The following UBE3D variants were observed in gnomAD, a reference collection of about 807,000 sequenced individuals.
UBE3D encodes ubiquitin protein ligase E3D, also known as E3 ubiquitin-protein ligase E3D.
UBE3D carries 48 observed loss-of-function variants against 49.6 expected under a neutral mutation model. The ratio of observed to expected loss-of-function variants is 0.97; its 90% CI spans 0.77 to 1.23. The LOEUF (loss-of-function observed/expected upper bound fraction) is 1.23, where lower values mean the gene tolerates loss of function less well. UBE3D is among the 50% of genes most tolerant of loss of function. UBE3D has a pLI of 0.00. For synonymous variants in UBE3D, 189 were observed against 174.2 expected (o/e 1.08, Z -0.67); for missense variants, 452 against 468.4 (o/e 0.96, Z 0.32).
At chr6:82,883,941 A>G in the UBE3D span, among the ~76,000 whole-genome samples, 1 of 152,202 alleles carries the variant, frequency 6.6e-6, no homozygotes, top group East Asian at 1.9e-4. Context: ...GTGCAGGACC[A>G]AGAGAACTTC....
At chr6:82,901,302 A>G (rs1050605137) in intron 9 of UBE3D, among the ~76,000 whole-genome samples, 2 of 151,836 alleles carry the variant, frequency 1.3e-5, no homozygotes, top group South Asian at 2.1e-4. Context: ...TTATTTCACC[A>G]GAGAGGAGCA....
At chr6:82,989,021 C>T (rs1165885741) in intron 8 of UBE3D, among the ~76,000 whole-genome samples, 2 of 152,040 alleles carry the variant, frequency 1.3e-5, no homozygotes, top group African/African-American at 2.4e-5. Flanking sequence ...AGACTAGAAT[C>T]CAGCCCTCAA....
At chr6:82,937,362 A>C (rs1188886235) in intron 9 of UBE3D, among the ~76,000 whole-genome samples, 1 of 152,154 alleles carries the variant, frequency 6.6e-6, no homozygotes, top group Non-Finnish European at 1.5e-5. Context: ...AAAACACACA[A>C]AAAAAGCTCC....
chr6:82,970,027 T>A (rs1196511378), intron 8 of UBE3D, among the ~76,000 whole-genome samples: 1 of 149,834 alleles, frequency 6.7e-6, no homozygotes, highest in Non-Finnish European at 1.5e-5. Flanking sequence ...ATGTAACGTA[T>A]TTCTATGGTG....
chr6:82,928,813 G>A (rs1160736788), intron 9 of UBE3D, among the ~76,000 whole-genome samples: 3 of 152,144 alleles, frequency 2.0e-5, no homozygotes, highest in African/African-American at 4.8e-5. Flanking sequence ...GGTAAGTTAT[G>A]TTCTTCTAGG....
At chr6:82,886,047 G>A in the UBE3D span, among the ~76,000 whole-genome samples, 5 of 152,152 alleles carry the variant, frequency 3.3e-5, no homozygotes, top group Non-Finnish European at 5.9e-5. Flanking sequence ...TTTCTCTTGT[G>A]TGTTTTTTCT....
chr6:83,031,584 G>A (rs939169460), intron 5 of UBE3D, among the ~76,000 whole-genome samples: 6 of 152,016 alleles, frequency 3.9e-5, no homozygotes, highest in African/African-American at 1.2e-4. Flanking sequence ...GCTGGATTTC[G>A]GACTTCCATG....
chr6:82,925,564 T>C (rs1027743361), intron 9 of UBE3D, among the ~76,000 whole-genome samples: 1 of 152,094 alleles, frequency 6.6e-6, no homozygotes, highest in African/African-American at 2.4e-5. Flanking sequence ...AAGGGAAGTA[T>C]CTGTCTTTCT....
chr6:83,022,495 A>G lies in UBE3D; in HGVS notation c.804T>C (p.Phe268=), dbSNP rs1025849065. 6.2e-7 allele frequency: 1 copy of G among 1,606,430 alleles called. No homozygotes were observed. The highest frequency in any genetic ancestry group is 1.3e-5 in the African/African-American group (1 of 74,290). ...LVQLSSARST[F]RFTIQGQDDK... Reference sequence around the variant, plus strand: ...CATCCTGACCTTGAATCGTGAATCTAAAAGTGCTTCTAGCAGAGGAGAGCT... The same window carrying G: ...CATCCTGACCTTGAATCGTGAATCTGAAAGTGCTTCTAGCAGAGGAGAGCT... The change falls in exon 7 of 10, where the codon TTT becomes TTC. Residue 268 remains phenylalanine (F), a synonymous_variant. Transcript: ENST00000369747.
At chr6:82,895,032 G>A (rs1320068419) in intron 9 of UBE3D, among the ~76,000 whole-genome samples, 1 of 152,172 alleles carries the variant, frequency 6.6e-6, no homozygotes. Context: ...TAAGAGGCCG[G>A]CACAGTGGCT....
intron 9 of UBE3D, chr6:82,925,142 A>C (rs1463833353): frequency 1.3e-5 from 2 of 152,286 alleles, no homozygotes; most frequent in African/African-American, 4.8e-5. Context: ...ATATAGGTAC[A>C]AAAAAGTGAA....
At chr6:83,062,088 T>TGATA (rs1784209090) in intron 1 of UBE3D, among the ~76,000 whole-genome samples, 2 of 152,280 alleles carry the variant, frequency 1.3e-5, no homozygotes, top group South Asian at 4.1e-4. Flanking sequence ...ATTTATTTTG[T>TGATA]ATATTCTCTG....
chr6:82,916,095 T>C (rs1562079976), intron 9 of UBE3D, among the ~76,000 whole-genome samples: 1 of 152,208 alleles, frequency 6.6e-6, no homozygotes. Context: ...CATATATTCA[T>C]TGACTTTATC....
chr6:83,024,728 T>A (rs962511073), intron 5 of UBE3D, among the ~76,000 whole-genome samples: 2 of 152,158 alleles, frequency 1.3e-5, no homozygotes, highest in Non-Finnish European at 2.9e-5. Context: ...AGAACCAGTG[T>A]CCAGCAGTCC....
rs1488180331 is a variant in UBE3D at position 83,032,748 on chromosome 6, T to C, written c.667+5668A>G. 3.3e-5 allele frequency among the ~76,000 whole-genome samples: 5 copies of C among 152,112 alleles called. No individual in the cohort carries two copies. In the East Asian group the frequency reaches 7.7e-4, roughly 24 times the overall value. ...TGTCATAGAAGGGACCTGGTGGGAA[T>C]TAACTGAATCATGGGGGCGGGGTTT... On this transcript the variant is annotated intron_variant, in intron 5 of 9. Coordinates refer to ENST00000369747, the MANE Select transcript of UBE3D (RefSeq NM_198920.3).
intron 8 of UBE3D, among the ~76,000 whole-genome samples, chr6:82,997,063 C>T (rs1214592805): frequency 6.6e-6 from 1 of 152,146 alleles, no homozygotes; most frequent in Non-Finnish European, 1.5e-5. Context: ...ACAATCTGTA[C>T]TAACTTTGCA....
chr6:82,975,257 T>C (rs532070274), intron 8 of UBE3D, among the ~76,000 whole-genome samples: 67 of 152,262 alleles, frequency 4.4e-4, no homozygotes, highest in African/African-American at 1.5e-3. Flanking sequence ...ATGAGACCTC[T>C]AAAAATCAAT....
intron 9 of UBE3D, among the ~76,000 whole-genome samples, chr6:82,915,997 A>C (rs567163807): frequency 1.3e-5 from 2 of 152,326 alleles, no homozygotes; most frequent in South Asian, 4.1e-4. Context: ...TAGTCATTGA[A>C]GTAGATGTTT....
In UBE3D at chr6:83,054,250, C is replaced by T; in HGVS notation, c.275-12G>A. 1 of 1,598,124 alleles carries T rather than the reference C, an allele frequency of 6.3e-7. No individual in the cohort carries two copies. Among genetic ancestry groups the T allele is most frequent in the Non-Finnish European group, 8.6e-7 (1 of 1,165,792 alleles). On this transcript the variant is annotated splice_polypyrimidine_tract_variant and intron_variant, in intron 2 of 9. Coordinates refer to ENST00000369747, the MANE Select transcript of UBE3D (RefSeq NM_198920.3). The stretch of plus-strand genomic sequence containing the variant: ...CATTGAAATCAGTTCTAAAGGAAGT[C>T]AATGAAATAGCTAATCTTAGAGATT...
Sources: allele counts gnomAD v4.1 joint callset (sites outside exome capture counted in the v4.1 genomes callset), GRCh38; gene constraint gnomAD v4.1.1; transcripts MANE v1.5; gene names NCBI Gene and HGNC (gene_info 2026-07-23, HGNC 2026-07-21).